EDEM1: variants seen among roughly 807,000 people sequenced by gnomAD.
EDEM1 encodes the protein ER degradation enhancing alpha-mannosidase like protein 1, also known as ER degradation-enhancing alpha-mannosidase-like protein 1.
EDEM1 carries 67 observed loss-of-function variants against 74.4 expected under a neutral mutation model. That is an observed-to-expected ratio of 0.90 (90% CI 0.74 to 1.10). The LOEUF is 1.10. EDEM1 is among the 50% of genes least tolerant of loss of function. The pLI, the probability that EDEM1 is intolerant of heterozygous loss-of-function variation, is 0.00. For missense variants in EDEM1, 926 were observed against 851.6 expected, an observed-to-expected ratio of 1.09 and a Z score of -1.09; for synonymous variants, 382 against 335.9, an observed-to-expected ratio of 1.14 and a Z score of -1.50.
chr3:5,214,901 G>A (rs992982625), intron 11 of EDEM1, among the ~76,000 whole-genome samples: 1 of 152,194 alleles, frequency 6.6e-6, no homozygotes, highest in African/African-American at 2.4e-5. Flanking sequence ...CATCCTAGGC[G>A]TTTGTCTGTA....
At chr3:5,208,917 T>C (rs2055134318) in intron 8 of EDEM1, among the ~76,000 whole-genome samples, 1 of 152,108 alleles carries the variant, frequency 6.6e-6, no homozygotes, top group Non-Finnish European at 1.5e-5. Context: ...ATGCCATACA[T>C]ATATACACAC....
At chr3:5,202,935 T>A (rs1369503575) in intron 4 of EDEM1, 31 bp from the exon 5 acceptor site, 2 of 1,600,986 alleles carry the variant, frequency 1.2e-6, no homozygotes, top group Admixed American at 1.7e-5. Flanking sequence ...CCTTGAGTTT[T>A]GTCACAGTCT....
At chr3:5,202,700 G>T (rs568108156) in intron 4 of EDEM1, among the ~76,000 whole-genome samples, 12 of 152,204 alleles carry the variant, frequency 7.9e-5, no homozygotes, top group African/African-American at 2.9e-4. Flanking sequence ...AAACCTGCTG[G>T]AAAGAGAAGG....
chr3:5,192,667 G>GC (rs1244260037), intron 1 of EDEM1, among the ~76,000 whole-genome samples: 1 of 152,212 alleles, frequency 6.6e-6, no homozygotes, highest in Non-Finnish European at 1.5e-5. Context: ...CAGAGTCTGA[G>GC]CTGCATAGTG....
Position 5,207,210 on chromosome 3 carries a change from G to A in EDEM1, c.1275G>A (p.Met425Ile), listed in dbSNP as rs758146386. 9.9e-6 allele frequency: 16 copies of A among 1,614,090 alleles called. No homozygotes were observed. The highest frequency in any genetic ancestry group is 2.7e-5 in the African/African-American group (2 of 74,954). The change falls in exon 7 of 12, where the codon ATG becomes ATA. Residue 425 changes from methionine to isoleucine, a missense_variant. Met to Ile is a conservative substitution (Grantham distance 10, BLOSUM62 1). Transcript: ENST00000256497. ...CTCCACTCTATGTCAACGTGAACAT[G>A]TTCAGTGGGCAGCTGATGAACACCT... is the stretch of plus-strand genomic sequence containing the variant. ...GDPPLYVNVN[M>I]FSGQLMNTWI... is the part of the protein sequence containing the mutation.
chr3:5,203,101 G>A lies in EDEM1; in HGVS notation c.994G>A (p.Ala332Thr). 6.2e-7 allele frequency: 1 copy of A among 1,609,370 alleles called. No homozygotes were observed. Among genetic ancestry groups the A allele is most frequent in the African/African-American group, 1.3e-5 (1 of 74,846 alleles). The change falls in exon 5 of 12, where the codon GCA becomes ACA. Residue 332 changes from alanine (A) to threonine (T), a missense_variant. Physicochemically the swap from Ala to Thr is moderately conservative, Grantham distance 58. Transcript: ENST00000256497. ...DSTFEWVARR[A>T]VKALWNLRSN... ...CACATTTGAGTGGGTGGCCAGACGA[G>A]CAGTGAAAGCCCTTTGGAACCTCCG...
At chr3:5,202,890 A>G (rs558065979) in intron 4 of EDEM1, 76 bp from the exon 5 acceptor site, 1 of 1,351,690 alleles carries the variant, frequency 7.4e-7, no homozygotes, top group South Asian at 1.3e-5. Flanking sequence ...AGCTGAGTGT[A>G]GTCTCTGAGA....
chr3:5,196,048 C>T (rs2054962347), intron 2 of EDEM1, among the ~76,000 whole-genome samples: 1 of 152,224 alleles, frequency 6.6e-6, no homozygotes, highest in South Asian at 2.1e-4. Context: ...CCTTCATTGT[C>T]CAGCAAGTCT....
chr3:5,188,399 G>T, intron 1 of EDEM1, 85 bp downstream of exon 1: 1 of 1,297,790 alleles, frequency 7.7e-7, no homozygotes, highest in African/African-American at 1.6e-5. Context: ...TGTCCTCCGG[G>T]GCCCCCGAGG....
At chr3:5,202,833 C>T in intron 4 of EDEM1, 133 bp from the exon 5 acceptor site, 2 of 684,034 alleles carry the variant, frequency 2.9e-6, no homozygotes, top group Non-Finnish European at 4.9e-6. Context: ...TCAGATGTAT[C>T]TTGGAAGGCA....
Position 5,215,981 on chromosome 3 carries a change from AG to A in EDEM1, c.*64del. 7.1e-7 allele frequency: 1 copy of A among 1,405,086 alleles called. No homozygotes were observed. Among genetic ancestry groups the A allele is most frequent in the Non-Finnish European group, 9.9e-7 (1 of 1,008,464 alleles). 87.0% of individuals were successfully genotyped at this position (1,405,086 alleles called of 1,614,324 possible). On this transcript the variant is annotated 3_prime_UTR_variant, in exon 12 of 12. Transcript: ENST00000256497. ...AACGACCAAACCCAGACCATGCCAAAGTCCAGTCTGAAATGAAAGGGGACAG... is the reference window on the plus strand; with the variant it reads ...AACGACCAAACCCAGACCATGCCAAATCCAGTCTGAAATGAAAGGGGACAG...
At chr3:5,188,626 G>A (rs182225811) in intron 1 of EDEM1, among the ~76,000 whole-genome samples, 1 of 152,218 alleles carries the variant, frequency 6.6e-6, no homozygotes, top group Non-Finnish European at 1.5e-5. Context: ...AGTGCCAAGG[G>A]CTGGCTTGGA....
In EDEM1 at chr3:5,188,392, C is replaced by A. The variant is rs1217076175; in HGVS notation, c.509+78C>A. 3.8e-6 allele frequency: 5 copies of A among 1,311,714 alleles called. No homozygotes were observed. In the African/African-American group the frequency reaches 6.2e-5, roughly 16 times the overall value. 81.3% of individuals were successfully genotyped at this position (1,311,714 alleles called of 1,614,324 possible). On this transcript the variant is annotated intron_variant, in intron 1 of 11. Transcript: ENST00000256497. Reference sequence around the variant, plus strand: ...TCCGCGCCGGGGTGCAGCCCTCTGTCCTCCGGGGCCCCCGAGGGCGCCAGG... The same window carrying A: ...TCCGCGCCGGGGTGCAGCCCTCTGTACTCCGGGGCCCCCGAGGGCGCCAGG...
At chr3:5,211,284 C>T in intron 10 of EDEM1, 68 bp downstream of exon 10, 2 of 1,451,580 alleles carry the variant, frequency 1.4e-6, no homozygotes, top group Non-Finnish European at 1.9e-6. Context: ...GCATAGTCTT[C>T]CATCTGACAG....
chr3:5,188,286 C>A lies in EDEM1; in HGVS notation c.481C>A (p.Arg161Ser). ...GGACGAGCTCAACCCCATCCACTGC[C>A]GCGGCCGTGGGCCCGACCGCGGGGA... is the stretch of plus-strand genomic sequence containing the variant. ...PQDELNPIHC[R>S]GRGPDRGDPS... The change falls in exon 1 of 12, where the codon CGC becomes AGC. Residue 161 changes from arginine (R) to serine (S), a missense_variant. Coordinates refer to ENST00000256497, the MANE Select transcript of EDEM1 (RefSeq NM_014674.3). 6.5e-7 allele frequency: 1 copy of A among 1,541,850 alleles called. No homozygotes were observed. Among genetic ancestry groups the A allele is most frequent in the Non-Finnish European group, 8.7e-7 (1 of 1,143,662 alleles).
At chr3:5,205,005 C>T in intron 5 of EDEM1, 62 bp from the exon 6 acceptor site, 4 of 1,570,334 alleles carry the variant, frequency 2.5e-6, no homozygotes, top group Non-Finnish European at 3.5e-6. Context: ...GGAGGCCTGT[C>T]TCCATTCATG....
intron 11 of EDEM1, 105 bp from the exon 12 acceptor site, chr3:5,215,724 G>C: frequency 9.5e-7 from 1 of 1,053,922 alleles, no homozygotes; most frequent in Non-Finnish European, 1.5e-6. Flanking sequence ...ACTTCCAAAC[G>C]TCAGTAGTTC....
intron 10 of EDEM1, among the ~76,000 whole-genome samples, chr3:5,212,387 C>A (rs907238179): frequency 6.6e-6 from 1 of 152,198 alleles, no homozygotes; most frequent in Non-Finnish European, 1.5e-5. Flanking sequence ...CTCAGTTCTG[C>A]TAAATCAGGC....
rs201466311 is a variant in EDEM1 at position 5,215,960 on chromosome 3, A to T, written c.*42A>T. On this transcript the variant is annotated 3_prime_UTR_variant, in exon 12 of 12. Transcript: ENST00000256497. ...CCTCATCTTGAACCAGACCTTAACG[A>T]CCAAACCCAGACCATGCCAAAGTCC... The T allele has an allele frequency of 2.7e-5, 42 of 1,558,836 alleles. No homozygotes were observed. In the East Asian group the frequency reaches 4.3e-4, roughly 16 times the overall value.
Sources: allele counts gnomAD v4.1 joint callset (sites outside exome capture counted in the v4.1 genomes callset), GRCh38; gene constraint gnomAD v4.1.1; transcripts MANE v1.5; gene names NCBI Gene and HGNC (gene_info 2026-07-23, HGNC 2026-07-21).